KLK8: variants seen among roughly 807,000 people sequenced by gnomAD.
KLK8 encodes kallikrein-8.
In KLK8, 18 loss-of-function variants were observed where a neutral mutation model predicts 26.7. That is an observed-to-expected ratio of 0.67 (90% CI 0.47 to 1.00). The LOEUF is 1.00. Among genes scored for constraint, KLK8 ranks in the 50% least tolerant of loss-of-function variants. KLK8 has a pLI of 0.00. For synonymous variants in KLK8, 137 were observed against 127.1 expected, an observed-to-expected ratio of 1.08 and a Z score of -0.52; for missense variants, 301 against 331.7, an observed-to-expected ratio of 0.91 and a Z score of 0.72.
At chr19:51,000,344 G>C in intron 4 of KLK8, 80 bp downstream of exon 3, 2 of 1,542,930 alleles carry the variant, frequency 1.3e-6, no homozygotes, top group Non-Finnish European at 1.8e-6. Flanking sequence ...CCAGTCCTCA[G>C]CTCTCTCCTT....
intron 6 of KLK8, among the ~76,000 whole-genome samples, chr19:50,997,395 G>A (rs546830680): frequency 1.1e-4 from 17 of 152,236 alleles, no homozygotes; most frequent in African/African-American, 3.9e-4. Flanking sequence ...ATTCCACGAT[G>A]TAATGCTGGG....
chr19:50,997,056 C>T (rs1255623920), intron 6 of KLK8, among the ~76,000 whole-genome samples: 1 of 152,004 alleles, frequency 6.6e-6, no homozygotes, highest in African/African-American at 2.4e-5. Context: ...CCATTTTTGG[C>T]CAATGGGGAA....
chr19:50,998,593 A>C (rs2091191124), intron 5 of KLK8, among the ~76,000 whole-genome samples: 1 of 152,160 alleles, frequency 6.6e-6, no homozygotes, highest in African/African-American at 2.4e-5. Flanking sequence ...GACTTCTCCA[A>C]AGCCTCTTTG....
intron 6 of KLK8, among the ~76,000 whole-genome samples, chr19:50,997,062 G>C (rs1236716432): frequency 6.6e-6 from 1 of 152,078 alleles, no homozygotes; most frequent in African/African-American, 2.4e-5. Context: ...TTGGCCAATG[G>C]GGAAGAAAGC....
At chr19:50,998,434 T>C (rs1368528512) in intron 5 of KLK8, among the ~76,000 whole-genome samples, 2 of 152,212 alleles carry the variant, frequency 1.3e-5, no homozygotes, top group African/African-American at 4.8e-5. Context: ...TGCAACTCCA[T>C]AACGACAAGG....
rs56988162 is a variant in KLK8, at chr19:50,999,583, CAAAAAAAAAAAAAAAAAA to C, written c.493+395_493+412del. On this transcript the variant is annotated intron_variant, in intron 5 of 6. Coordinates refer to ENST00000600767, the Ensembl canonical transcript of KLK8. ...GATTGAGTGAAACTGTGTCCCCCTG[CAAAAAAAAAAAAAAAAAA>C]AAAAAAAAAAAAAAAAAAAAAAAGG... Among the ~76,000 whole-genome samples, 101 of 30,286 alleles carry C rather than the reference CAAAAAAAAAAAAAAAAAA, an allele frequency of 3.3e-3. 1 individual carries two copies. The highest frequency in any genetic ancestry group is 0.015 in the South Asian group (5 of 342). 19.9% of individuals were successfully genotyped at this position (30,286 alleles called of 152,430 possible).
At chr19:50,996,938 A>ACACC (rs1420234697) in intron 6 of KLK8, among the ~76,000 whole-genome samples, 1 of 135,096 alleles carries the variant, frequency 7.4e-6, no homozygotes, top group Non-Finnish European at 1.6e-5. Flanking sequence ...ACACACACAC[A>ACACC]CCATATCCCC....
intron 6 of KLK8, among the ~76,000 whole-genome samples, chr19:50,996,498 C>A (rs1486983997): frequency 6.6e-6 from 1 of 151,936 alleles, no homozygotes; most frequent in African/African-American, 2.4e-5. Flanking sequence ...CTTTGGGAGG[C>A]CGAGGCGGTA....
chr19:50,996,329 G>A (rs2122306467), intron 6 of KLK8, 115 bp from the exon 6 acceptor site: 2 of 1,115,876 alleles, frequency 1.8e-6, no homozygotes, highest in East Asian at 4.9e-5. Context: ...TAGCCAATGG[G>A]GGTAAAAGCA....
At chr19:50,999,582 G>T in intron 5 of KLK8, among the ~76,000 whole-genome samples, 1 of 8,502 alleles carries the variant, frequency 1.2e-4, no homozygotes, top group Non-Finnish European at 2.5e-4. Flanking sequence ...GTGTCCCCCT[G>T]CAAAAAAAAA....
At chr19:50,996,834 A>G (rs1332959881) in intron 6 of KLK8, among the ~76,000 whole-genome samples, 1 of 151,490 alleles carries the variant, frequency 6.6e-6, no homozygotes, top group Non-Finnish European at 1.5e-5. Context: ...CCTGGCCAAT[A>G]GTGAAGGCAT....
chr19:51,000,169 G>A (rs752348889), exon 5 of KLK8: 2 of 1,613,452 alleles, frequency 1.2e-6, no homozygotes, highest in Non-Finnish European at 1.7e-6. Context: ...GTTGTAGCAG[G>A]GGTGTGGGAT....
chr19:50,997,886 T>C lies in KLK8; in HGVS notation c.494-2A>G. 2 of 1,614,064 alleles carry C rather than the reference T, an allele frequency of 1.2e-6. No individual in the cohort carries two copies. ...AGTTGAGAGTGTCAGGAAAATTCTCTGAGGGGGAAGAGGTTGTAAGGTTCC... is the reference window on the plus strand; with the variant it reads ...AGTTGAGAGTGTCAGGAAAATTCTCCGAGGGGGAAGAGGTTGTAAGGTTCC... On this transcript the variant is annotated splice_acceptor_variant, in intron 5 of 6. Transcript: ENST00000600767. LOFTEE classifies it high-confidence loss of function.
Position 50,999,583 on chromosome 19 carries a change from C to CAAAAAAAAAAAAAAAAAAAAAA in KLK8, c.493+391_493+412dup, listed in dbSNP as rs56988162. Among the ~76,000 whole-genome samples the CAAAAAAAAAAAAAAAAAAAAAA allele has an allele frequency of 2.0e-4, 6 of 30,296 alleles. 2 individuals are homozygous for CAAAAAAAAAAAAAAAAAAAAAA. The highest frequency in any genetic ancestry group is 3.4e-4 in the African/African-American group (4 of 11,638). 19.9% of individuals were successfully genotyped at this position (30,296 alleles called of 152,430 possible). A position where few individuals can be genotyped will look rare whatever the true frequency, so the allele number is the denominator to read the frequency against. The stretch of plus-strand genomic sequence containing the variant: ...GATTGAGTGAAACTGTGTCCCCCTG[C>CAAAAAAAAAAAAAAAAAAAAAA]AAAAAAAAAAAAAAAAAAAAAAAAA... On this transcript the variant is annotated intron_variant, in intron 5 of 6. Transcript: ENST00000600767.
intron 2 of KLK8, 82 bp from the exon 2 acceptor site, chr19:51,001,257 A>G (rs2091222928): frequency 8.4e-7 from 1 of 1,191,816 alleles, no homozygotes; most frequent in Admixed American, 2.0e-5. Context: ...CTGGGGAGGC[A>G]GCCGAGAGTA....
intron 5 of KLK8, among the ~76,000 whole-genome samples, chr19:50,998,131 G>T (rs1235643572): frequency 6.6e-6 from 1 of 152,078 alleles, no homozygotes; most frequent in African/African-American, 2.4e-5. Flanking sequence ...CTTACCCTGA[G>T]CCATTTTCAA....
At position 50,999,583 on chromosome 19, in the gene KLK8, C is replaced by CAAAAAAAAAAAAAAAAAAA. The variant is rs56988162; in HGVS notation, c.493+394_493+412dup. ...GATTGAGTGAAACTGTGTCCCCCTG[C>CAAAAAAAAAAAAAAAAAAA]AAAAAAAAAAAAAAAAAAAAAAAAA... On this transcript the variant is annotated intron_variant, in intron 5 of 6. Transcript: ENST00000600767. Among the ~76,000 whole-genome samples, 9 of 30,292 alleles carry CAAAAAAAAAAAAAAAAAAA rather than the reference C, an allele frequency of 3.0e-4. 4 individuals carry two copies. The highest frequency in any genetic ancestry group is 6.0e-3 in the East Asian group (2 of 334). 19.9% of individuals were successfully genotyped at this position (30,292 alleles called of 152,430 possible). A position where few individuals can be genotyped will look rare whatever the true frequency, so the allele number is the denominator to read the frequency against.
chr19:50,996,893 G>GACACACAC lies in KLK8; in HGVS notation c.628-687_628-680dup, dbSNP rs368604260. Among the ~76,000 whole-genome samples, 257 of 81,294 alleles carry GACACACAC rather than the reference G, an allele frequency of 3.2e-3. 1 individual carries two copies. Among genetic ancestry groups the GACACACAC allele is most frequent in the Middle Eastern group, 6.8e-3 (1 of 148 alleles). 53.3% of individuals were successfully genotyped at this position (81,294 alleles called of 152,430 possible). ...AGGAGAAAGGATCAAGATTCTTATGGACACACACACACACACACACACACA... is the reference window on the plus strand; with the variant it reads ...AGGAGAAAGGATCAAGATTCTTATGGACACACACACACACACACACACACACACACACA... On this transcript the variant is annotated intron_variant, in intron 6 of 6. Coordinates refer to ENST00000600767, the Ensembl canonical transcript of KLK8.
chr19:51,000,567 C>T (rs1176498615), exon 4 of KLK8: 4 of 1,613,990 alleles, frequency 2.5e-6, no homozygotes, highest in Non-Finnish European at 3.4e-6. Flanking sequence ...CCTTGTCCTC[C>T]TGTGCCCTGG....
Sources: gnomAD v4.1 joint callset for allele counts (sites outside exome capture counted in the v4.1 genomes callset) on GRCh38, gnomAD v4.1.1 for gene constraint, MANE v1.5 for transcripts, NCBI Gene and HGNC (gene_info 2026-07-23, HGNC 2026-07-21) for gene names.